CACNA2D3: variants seen among roughly 807,000 people sequenced by gnomAD.
CACNA2D3 encodes voltage-dependent calcium channel subunit alpha-2/delta-3.
Under a neutral mutation model 160.6 loss-of-function variants are expected in CACNA2D3, and 60 were observed. The observed-to-expected ratio is 0.37, with a 90% CI of 0.30 to 0.46. The LOEUF is 0.46. CACNA2D3 is among the 20% of genes least tolerant of loss of function. The probability of loss-of-function intolerance (pLI) is 1.00; values close to 1 mark genes in which losing one functional copy is unlikely to be tolerated. For missense variants in CACNA2D3, 1,205 were observed against 1,365.0 expected (o/e 0.88, Z 1.85); for synonymous variants, 558 against 492.9 (o/e 1.13, Z -1.75).
At chr3:54,401,471 A>G (rs141991810) in intron 4 of CACNA2D3, among the ~76,000 whole-genome samples, 8 of 152,356 alleles carry the variant, frequency 5.3e-5, no homozygotes, top group African/African-American at 1.4e-4. Flanking sequence ...TCAAAAGTCA[A>G]TGACAAAGAG....
Position 54,651,438 on chromosome 3 carries a change from AAAAGC to A in CACNA2D3, c.1167+9200_1167+9204del, listed in dbSNP as rs1699762432. On this transcript the variant is annotated intron_variant, in intron 11 of 37. Coordinates refer to ENST00000474759, the MANE Select transcript of CACNA2D3 (RefSeq NM_018398.3). ...CAGTTATCTCGAGAAAAAAAAAAAA[AAAAGC>A]AAGGATGGTAGCTTTGAGGCCATGT... Among the ~76,000 whole-genome samples the A allele has an allele frequency of 2.6e-5, 4 of 151,924 alleles. No individual in the cohort carries two copies. The South Asian group carries it at 8.3e-4, about 32-fold the overall frequency.
chr3:54,741,993 A>C (rs557001793), intron 11 of CACNA2D3, among the ~76,000 whole-genome samples: 3 of 151,970 alleles, frequency 2.0e-5, no homozygotes, highest in Non-Finnish European at 4.4e-5. Flanking sequence ...CAGTCTTCCA[A>C]GTAGCTAGGA....
chr3:54,790,843 C>T (rs1008212550), intron 13 of CACNA2D3, among the ~76,000 whole-genome samples: 2 of 152,090 alleles, frequency 1.3e-5, no homozygotes, highest in Admixed American at 1.3e-4. Flanking sequence ...TGGCCATGCT[C>T]AGGGCTGTCA....
chr3:54,528,303 C>A lies in CACNA2D3; in HGVS notation c.544+24649C>A, dbSNP rs1169406714. Among the ~76,000 whole-genome samples the A allele has an allele frequency of 2.6e-5, 4 of 151,916 alleles. No homozygotes were observed. In the East Asian group the frequency reaches 7.7e-4, roughly 29 times the overall value. ...AATGGGCATGAGAATAGTTTCTACC[C>A]CAGAAGGTTGTTGTGAGGATTAAGT... On this transcript the variant is annotated intron_variant, in intron 5 of 37. Transcript: ENST00000474759.
At chr3:54,542,910 G>A (rs1018358392) in intron 5 of CACNA2D3, among the ~76,000 whole-genome samples, 1 of 152,078 alleles carries the variant, frequency 6.6e-6, no homozygotes, top group Non-Finnish European at 1.5e-5. Context: ...ATTTCTATTT[G>A]TTTATAGGAA....
At chr3:54,145,916 C>G (rs939512693) in intron 2 of CACNA2D3, among the ~76,000 whole-genome samples, 1 of 152,136 alleles carries the variant, frequency 6.6e-6, no homozygotes, top group African/African-American at 2.4e-5. Flanking sequence ...TCTTTCTGCA[C>G]TGCATTTTGA....
intron 4 of CACNA2D3, among the ~76,000 whole-genome samples, chr3:54,466,838 G>A (rs780196097): frequency 1.3e-5 from 2 of 152,190 alleles, no homozygotes; most frequent in Admixed American, 1.3e-4. Flanking sequence ...TTGGGATTTT[G>A]TAGGCAATCC....
At chr3:54,879,182 C>T (rs956793478) in intron 19 of CACNA2D3, 93 bp downstream of exon 19, 39 of 924,278 alleles carry the variant, frequency 4.2e-5, no homozygotes, top group East Asian at 3.4e-4. Context: ...AAATATCTTT[C>T]GCTGAGATCA....
intron 2 of CACNA2D3, among the ~76,000 whole-genome samples, chr3:54,167,505 TG>T (rs2107305975): frequency 6.6e-6 from 1 of 152,316 alleles, no homozygotes; most frequent in Admixed American, 6.5e-5. Flanking sequence ...GGAGATAATG[TG>T]TCCAACTTGA....
At chr3:54,894,949 C>T (rs999832604) in intron 25 of CACNA2D3, among the ~76,000 whole-genome samples, 3 of 151,196 alleles carry the variant, frequency 2.0e-5, no homozygotes, top group Non-Finnish European at 4.4e-5. Context: ...GCACATGACT[C>T]CAAAGTTGGC....
At chr3:54,190,905 C>T (rs1700968069) in intron 2 of CACNA2D3, among the ~76,000 whole-genome samples, 1 of 152,040 alleles carries the variant, frequency 6.6e-6, no homozygotes, top group South Asian at 2.1e-4. Context: ...CCTCTGTTTT[C>T]TCATCTGTAA....
chr3:54,285,875 G>C (rs1263835230), intron 2 of CACNA2D3, among the ~76,000 whole-genome samples: 1 of 152,162 alleles, frequency 6.6e-6, no homozygotes, highest in Non-Finnish European at 1.5e-5. Context: ...GGTCCTGTCT[G>C]GTAGAAGGAA....
At chr3:54,626,719 A>G in intron 9 of CACNA2D3, 1 of 734,692 alleles carries the variant, frequency 1.4e-6, no homozygotes. Context: ...AGAAAGAAAA[A>G]GAAAGGGGTT....
At chr3:54,709,247 T>A (rs1419928051) in intron 11 of CACNA2D3, among the ~76,000 whole-genome samples, 2 of 152,046 alleles carry the variant, frequency 1.3e-5, no homozygotes, top group Non-Finnish European at 2.9e-5. Flanking sequence ...ACTGCTGACC[T>A]CAAGTGATCC....
intron 35 of CACNA2D3, among the ~76,000 whole-genome samples, chr3:55,070,023 C>T (rs1704765045): frequency 6.6e-6 from 1 of 152,052 alleles, no homozygotes; most frequent in Non-Finnish European, 1.5e-5. Flanking sequence ...ATTCTTCTGC[C>T]TTTATCATTT....
intron 2 of CACNA2D3, among the ~76,000 whole-genome samples, chr3:54,179,906 T>C (rs904986387): frequency 6.6e-6 from 1 of 152,158 alleles, no homozygotes; most frequent in East Asian, 1.9e-4. Flanking sequence ...TATTTTGTTA[T>C]GGCAGCAGAA....
intron 4 of CACNA2D3, among the ~76,000 whole-genome samples, chr3:54,389,848 C>G (rs1333720235): frequency 2.0e-5 from 3 of 152,196 alleles, no homozygotes; most frequent in Non-Finnish European, 4.4e-5. Flanking sequence ...TGATCCTGAA[C>G]TGGATCCTGA....
intron 35 of CACNA2D3, among the ~76,000 whole-genome samples, chr3:55,037,261 C>A (rs1423295937): frequency 6.6e-6 from 1 of 152,218 alleles, no homozygotes; most frequent in African/African-American, 2.4e-5. Context: ...TGATGCACCA[C>A]CATTGTGTGT....
intron 4 of CACNA2D3, among the ~76,000 whole-genome samples, chr3:54,423,401 C>A (rs1435210776): frequency 6.6e-6 from 1 of 152,120 alleles, no homozygotes; most frequent in Non-Finnish European, 1.5e-5. Flanking sequence ...CAGGATCCTA[C>A]CTGGCGTTTT....
Sources: gnomAD v4.1 joint callset for allele counts (sites outside exome capture counted in the v4.1 genomes callset) on GRCh38, gnomAD v4.1.1 for gene constraint, MANE v1.5 for transcripts, NCBI Gene and HGNC (gene_info 2026-07-23, HGNC 2026-07-21) for gene names.